DACT2: variants seen among roughly 807,000 people sequenced by gnomAD.
The protein encoded by DACT2 is dapper homolog 2.
Under a neutral mutation model 22.2 loss-of-function variants are expected in DACT2, and 20 were observed. The observed-to-expected ratio is 0.90, with a 90% confidence interval of 0.63 to 1.31. The LOEUF (loss-of-function observed/expected upper bound fraction) is 1.31, where lower values mean the gene tolerates loss of function less well. Ranked by LOEUF, DACT2 falls within the 50% of genes most tolerant of loss-of-function variation. The pLI is 0.00. For missense variants in DACT2, 1,048 were observed against 1,061.4 expected (o/e 0.99, Z 0.18); for synonymous variants, 463 against 479.8 (o/e 0.96, Z 0.46).
At chr6:168,311,375 A>AT in intron 1 of DACT2, 91 bp from the exon 2 acceptor site, 2 of 1,411,430 alleles carry the variant, frequency 1.4e-6, no homozygotes, top group Non-Finnish European at 1.9e-6. Flanking sequence ...TTGTGAATGC[A>AT]ATTTAAACTC....
chr6:168,311,937 C>T (rs973859998), intron 1 of DACT2, among the ~76,000 whole-genome samples: 35 of 152,184 alleles, frequency 2.3e-4, no homozygotes, highest in African/African-American at 8.2e-4. Context: ...GCGGTGGCGT[C>T]CTTTCACTCG....
chr6:168,305,623 T>C (rs1180957319), downstream of DACT2, among the ~76,000 whole-genome samples: 1 of 152,116 alleles, frequency 6.6e-6, no homozygotes, highest in East Asian at 1.9e-4. Context: ...TACAAAAACA[T>C]GCGTGGACTG....
chr6:168,304,011 T>G (rs947149381), downstream of DACT2, among the ~76,000 whole-genome samples: 1 of 152,228 alleles, frequency 6.6e-6, no homozygotes, highest in Admixed American at 6.5e-5. Flanking sequence ...TTTATTTTTG[T>G]TAAAATATTT....
Position 168,310,300 on chromosome 6 carries a change from G to T in DACT2, c.526C>A (p.Pro176Thr), listed in dbSNP as rs1180643063. The stretch of plus-strand genomic sequence containing the variant: ...ACAGTAGTCTCATCAACCGACCGGG[G>T]CCTCCAGTCCCCCATGCTGGGCCTG... Reference protein sequence around the residue: ...KARPSMGDWRPRSVDETTVPA... With the variant: ...KARPSMGDWRTRSVDETTVPA... Residue 176 changes from proline (P) to threonine (T), a missense_variant, in exon 3 of 4, where the codon CCC (proline) becomes ACC (threonine). Coordinates refer to ENST00000366795, the MANE Select transcript of DACT2 (RefSeq NM_214462.5). The T allele has an allele frequency of 1.3e-6, 2 of 1,551,612 alleles. No homozygotes were observed. Among genetic ancestry groups the T allele is most frequent in the Admixed American group, 3.9e-5 (2 of 51,004 alleles).
At chr6:168,295,941 G>A (rs540311689) in intron 3 of DACT2, among the ~76,000 whole-genome samples, 57 of 152,402 alleles carry the variant, frequency 3.7e-4, no homozygotes, top group African/African-American at 1.2e-3. Context: ...CCAGGTAGCT[G>A]GAGCCAGCAC....
chr6:168,308,935 C>T lies in DACT2; in HGVS notation c.822G>A (p.Pro274=), dbSNP rs552416999. ...LVSQGGREVY[P]YPSPLHAVAL... The stretch of plus-strand genomic sequence containing the variant: ...CCACGGCGTGCAGGGGGCTGGGGTA[C>T]GGGTACACCTCCCTGCCGCCCTGGG... Residue 274 remains proline (P), a synonymous_variant, in exon 4 of 4, where the codon CCG becomes CCA. Transcript: ENST00000366795. 2.8e-5 allele frequency: 43 copies of T among 1,550,144 alleles called. No homozygotes were observed. Among genetic ancestry groups the T allele is most frequent in the East Asian group, 7.3e-5 (3 of 40,896 alleles).
downstream of DACT2, among the ~76,000 whole-genome samples, chr6:168,302,404 C>T (rs1779127311): frequency 6.6e-6 from 1 of 152,214 alleles, no homozygotes; most frequent in Non-Finnish European, 1.5e-5. Flanking sequence ...TTGCTATATA[C>T]ATAACCTGTT....
In DACT2 at chr6:168,306,955, G is replaced by T. The variant is rs991404201; in HGVS notation, c.*477C>A. On this transcript the variant is annotated 3_prime_UTR_variant, in exon 4 of 4. Transcript: ENST00000366795. ...TTTATTTGAGATCATGGCATAATTTGGGTGTTTGTGTATGCTGACAGCTTA... is the reference window on the plus strand; with the variant it reads ...TTTATTTGAGATCATGGCATAATTTTGGTGTTTGTGTATGCTGACAGCTTA... The T allele has an allele frequency of 1.6e-5, 16 of 991,356 alleles. No individual in the cohort carries two copies. Among genetic ancestry groups the T allele is most frequent in the Non-Finnish European group, 1.8e-5 (15 of 833,534 alleles). 61.4% of individuals were successfully genotyped at this position (991,356 alleles called of 1,614,324 possible).
chr6:168,309,352 G>T (rs1562496861), intron 3 of DACT2, among the ~76,000 whole-genome samples: 1 of 152,110 alleles, frequency 6.6e-6, no homozygotes, highest in East Asian at 1.9e-4. Context: ...AGGGTGCAGG[G>T]CCTCATTTGC....
downstream of DACT2, among the ~76,000 whole-genome samples, chr6:168,303,989 T>A (rs891625351): frequency 6.6e-6 from 1 of 152,314 alleles, no homozygotes; most frequent in Admixed American, 6.5e-5. Flanking sequence ...AGAGCAACTT[T>A]ATCCTGTTAT....
intron 1 of DACT2, among the ~76,000 whole-genome samples, chr6:168,314,800 C>T (rs933304396): frequency 3.3e-5 from 5 of 152,180 alleles, no homozygotes; most frequent in African/African-American, 1.2e-4. Context: ...GCCTGAATTC[C>T]AAGGCTATCC....
At chr6:168,315,023 A>C (rs1779510740) in intron 1 of DACT2, among the ~76,000 whole-genome samples, 1 of 152,190 alleles carries the variant, frequency 6.6e-6, no homozygotes, top group African/African-American at 2.4e-5. Context: ...CAAAGCAAGC[A>C]CAGCCGGCCC....
chr6:168,315,309 A>G (rs1267266092), intron 1 of DACT2, among the ~76,000 whole-genome samples: 1 of 152,120 alleles, frequency 6.6e-6, no homozygotes, highest in Non-Finnish European at 1.5e-5. Flanking sequence ...AGTTCCAGGG[A>G]GTGGATGAAG....
chr6:168,302,672 T>C (rs1288554864), downstream of DACT2, among the ~76,000 whole-genome samples: 5 of 152,198 alleles, frequency 3.3e-5, no homozygotes, highest in African/African-American at 4.8e-5. Flanking sequence ...GGAGCCCCAG[T>C]GCTCAGGAGA....
rs2114910798 is a variant in DACT2, at chr6:168,310,398, C to T, written c.428G>A (p.Cys143Tyr). ...GATGTGGTCACTGCAGACGGAGGCA[C>T]AGGACGTGGACAGGGAGCAGGATCC... is the stretch of plus-strand genomic sequence containing the variant. Reference protein sequence around the residue: ...DGGSCSLSTSCASVCSDHISP... With the variant: ...DGGSCSLSTSYASVCSDHISP... The change falls in exon 3 of 4, where the codon TGT becomes TAT. Residue 143 changes from cysteine to tyrosine, a missense_variant. By Grantham distance (194) the Cys-to-Tyr change is radical. Coordinates refer to ENST00000366795, the MANE Select transcript of DACT2 (RefSeq NM_214462.5). 6.4e-7 allele frequency: 1 copy of T among 1,551,602 alleles called. No homozygotes were observed. Among genetic ancestry groups the T allele is most frequent in the African/African-American group, 1.4e-5 (1 of 73,184 alleles).
At chr6:168,294,809 T>G in intron 3 of DACT2, 1 of 432,368 alleles carries the variant, frequency 2.3e-6, no homozygotes, top group East Asian at 3.8e-5. Flanking sequence ...GCAACTTAGA[T>G]TTTATAACAC....
intron 1 of DACT2, among the ~76,000 whole-genome samples, chr6:168,313,870 C>T (rs1779483433): frequency 6.6e-6 from 1 of 152,094 alleles, no homozygotes; most frequent in South Asian, 2.1e-4. Flanking sequence ...CCTTCAGTTG[C>T]TGGTTTCTGA....
Position 168,307,511 on chromosome 6 carries a change from C to T in DACT2, c.2246G>A (p.Arg749His), listed in dbSNP as rs769332995. 17 of 1,551,496 alleles carry T rather than the reference C, an allele frequency of 1.1e-5. No individual in the cohort carries two copies. Among genetic ancestry groups the T allele is most frequent in the East Asian group, 2.4e-5 (1 of 40,900 alleles). ...CTTCAGGGCCTTGGAGGCCTTAATA[C>T]GGCACAGCTTGGGCACGGGGGACAG... ...PLLSPVPKLC[R>H]IKASKALKKK... Residue 749 changes from arginine (R) to histidine (H), a missense_variant, in exon 4 of 4, where the codon CGT becomes CAT. By Grantham distance (29) the Arg-to-His change is conservative. Coordinates refer to ENST00000366795, the MANE Select transcript of DACT2 (RefSeq NM_214462.5). This position sits in a 1 kb window ranked among gnomAD's most constrained non-coding sequence, Gnocchi z 5.3.
intron 3 of DACT2, among the ~76,000 whole-genome samples, chr6:168,297,679 C>T (rs1779030492): frequency 6.6e-6 from 1 of 152,248 alleles, no homozygotes; most frequent in African/African-American, 2.4e-5. Flanking sequence ...GAAACACATA[C>T]AGCTACCTGG....
Sources: gnomAD v4.1 joint callset for allele counts (sites outside exome capture counted in the v4.1 genomes callset) on GRCh38, gnomAD v4.1.1 for gene constraint, Gnocchi (gnomAD v3.1) non-coding constraint, MANE v1.5 for transcripts, NCBI Gene and HGNC (gene_info 2026-07-23, HGNC 2026-07-21) for gene names.